Variants in DPP10 observed in about 807,000 individuals in gnomAD.
DPP10 encodes inactive dipeptidyl peptidase 10.
A neutral mutation model predicts 120.9 loss-of-function variants in DPP10; 33 were observed. That is an observed-to-expected ratio of 0.27 (90% CI 0.21 to 0.37). The LOEUF is 0.37. Among genes scored for constraint, DPP10 ranks in the 10% least tolerant of loss-of-function variants. The pLI is 1.00. For synonymous variants in DPP10, 337 were observed against 326.1 expected (o/e 1.03, Z -0.36); for missense variants, 816 against 942.8 (o/e 0.87, Z 1.76).
At chr2:114,608,749 G>A (rs1467158539) in intron 1 of DPP10, among the ~76,000 whole-genome samples, 1 of 151,748 alleles carries the variant, frequency 6.6e-6, no homozygotes, top group Non-Finnish European at 1.5e-5. Context: ...TGATATGAAT[G>A]CAGTTGGCGG....
intron 1 of DPP10, among the ~76,000 whole-genome samples, chr2:114,937,285 C>A (rs1009031285): frequency 6.6e-6 from 1 of 152,088 alleles, no homozygotes; most frequent in Non-Finnish European, 1.5e-5. Context: ...GATGAGGATC[C>A]AGTTTCGTTC....
Position 115,411,329 on chromosome 2 carries a change from C to T in DPP10, c.271+67417C>T, listed in dbSNP as rs186986933. Among the ~76,000 whole-genome samples the T allele has an allele frequency of 3.7e-3, 561 of 151,144 alleles. 3 individuals carry two copies. The highest frequency in any genetic ancestry group is 0.013 in the African/African-American group (549 of 41,198). ...TCTGGGCAACAGAGTGAGACTCCGT[C>T]TCAAAAAAAAAGGAGAGAAAAAAAA... On this transcript the variant is annotated intron_variant, in intron 3 of 25. Coordinates refer to ENST00000410059, the MANE Select transcript of DPP10 (RefSeq NM_020868.6).
chr2:115,115,121 G>T (rs1243255285), intron 1 of DPP10, among the ~76,000 whole-genome samples: 1 of 151,984 alleles, frequency 6.6e-6, no homozygotes, highest in Non-Finnish European at 1.5e-5. Flanking sequence ...GCACATCGGA[G>T]ACCTACGGGG....
At position 114,688,816 on chromosome 2, in the gene DPP10, G is replaced by A. The variant is rs116716520; in HGVS notation, c.60+245978G>A. Among the ~76,000 whole-genome samples, 943 of 151,968 alleles carry A rather than the reference G, an allele frequency of 6.2e-3. 17 individuals carry two copies. Among genetic ancestry groups the A allele is most frequent in the African/African-American group, 0.022 (900 of 41,494 alleles). ...CATGTGTGGGATGAGTTTAATCAAGGATGCTACATGAATCATTACCATCGT... is the reference window on the plus strand; with the variant it reads ...CATGTGTGGGATGAGTTTAATCAAGAATGCTACATGAATCATTACCATCGT... On this transcript the variant is annotated intron_variant, in intron 1 of 25. Transcript: ENST00000410059.
chr2:114,876,318 C>A lies in DPP10; in HGVS notation c.61-432921C>A, dbSNP rs574867909. ...AGCAGAGCAGATGGGGAATAAAGTT[C>A]TTTGTTCTATTCGGTGGACTTCCAT... On this transcript the variant is annotated intron_variant, in intron 1 of 25. Coordinates refer to ENST00000410059, the MANE Select transcript of DPP10 (RefSeq NM_020868.6). Among the ~76,000 whole-genome samples, 6 of 152,148 alleles carry A rather than the reference C, an allele frequency of 3.9e-5. No homozygotes were observed. In the South Asian group the frequency reaches 1.2e-3, roughly 32 times the overall value.
chr2:115,117,490 C>T (rs2049579746), intron 1 of DPP10, among the ~76,000 whole-genome samples: 3 of 152,064 alleles, frequency 2.0e-5, no homozygotes, highest in Admixed American at 2.0e-4. Context: ...CACCTATAAC[C>T]CCAGCCACTC....
chr2:115,760,014 A>T (rs1015888596), intron 11 of DPP10, among the ~76,000 whole-genome samples: 6 of 152,146 alleles, frequency 3.9e-5, no homozygotes, highest in African/African-American at 1.4e-4. Flanking sequence ...CGTCACAAAA[A>T]AAAAATACAA....
intron 1 of DPP10, among the ~76,000 whole-genome samples, chr2:114,663,246 A>G (rs577296313): frequency 2.5e-4 from 35 of 141,154 alleles, no homozygotes; most frequent in East Asian, 1.6e-3. Context: ...TTGTGTGTGT[A>G]TATATATATA....
In DPP10 at chr2:115,309,284, G is replaced by A; in HGVS notation, c.106G>A (p.Ala36Thr). Reference protein sequence around the residue: ...SPPQRNWKGIAIALLVILVVC... With the variant: ...SPPQRNWKGITIALLVILVVC... ...TCCACAGAGAAACTGGAAGGGAATT[G>A]CTATTGCTCTGCTGGTGATTTTAGT... is the stretch of plus-strand genomic sequence containing the variant. Residue 36 changes from alanine (A) to threonine (T), a missense_variant, in exon 2 of 26, where the codon GCT (alanine) becomes ACT (threonine). By Grantham distance (58) the Ala-to-Thr change is moderately conservative. This residue lies in a region of DPP10 where 182 missense variants were observed against 207.4 expected (regional missense o/e 0.88). Transcript: ENST00000410059. 1.9e-6 allele frequency: 3 copies of A among 1,613,450 alleles called. No individual in the cohort carries two copies. The highest frequency in any genetic ancestry group is 2.5e-6 in the Non-Finnish European group (3 of 1,179,620).
intron 1 of DPP10, among the ~76,000 whole-genome samples, chr2:114,484,703 T>A (rs1339544603): frequency 6.6e-6 from 1 of 152,110 alleles, no homozygotes; most frequent in African/African-American, 2.4e-5. Flanking sequence ...TCAACAGGAA[T>A]CTCGAACAAT....
chr2:115,162,993 G>C (rs1462855557), intron 1 of DPP10, among the ~76,000 whole-genome samples: 3 of 151,992 alleles, frequency 2.0e-5, no homozygotes, highest in African/African-American at 4.8e-5. Flanking sequence ...TAGGAACTCC[G>C]GGCAGAGAGA....
intron 3 of DPP10, among the ~76,000 whole-genome samples, chr2:115,379,545 T>C (rs930223041): frequency 6.6e-5 from 10 of 152,136 alleles, no homozygotes; most frequent in African/African-American, 2.2e-4. Context: ...TTTGTGTCTC[T>C]ATTTCCTTCA....
intron 1 of DPP10, among the ~76,000 whole-genome samples, chr2:115,139,194 A>C (rs1193416838): frequency 1.3e-5 from 2 of 152,150 alleles, no homozygotes; most frequent in Non-Finnish European, 2.9e-5. Context: ...GCAAAATAAT[A>C]ATCTTATTTT....
intron 5 of DPP10, among the ~76,000 whole-genome samples, chr2:115,613,927 G>T (rs978712087): frequency 6.6e-6 from 1 of 152,166 alleles, no homozygotes; most frequent in Non-Finnish European, 1.5e-5. Context: ...TTAACTGAGA[G>T]TGACTCCCAT....
chr2:115,437,330 A>G (rs1299949762), intron 3 of DPP10, among the ~76,000 whole-genome samples: 2 of 152,060 alleles, frequency 1.3e-5, no homozygotes, highest in African/African-American at 4.8e-5. Context: ...TCAGCATTAG[A>G]GAAGAAATAT....
At chr2:115,775,381 G>A (rs1189995634) in intron 13 of DPP10, among the ~76,000 whole-genome samples, 3 of 151,340 alleles carry the variant, frequency 2.0e-5, no homozygotes, top group South Asian at 2.1e-4. Context: ...TATAAATAAT[G>A]GAAAGGGACA....
At chr2:115,265,971 T>C (rs934817363) in intron 1 of DPP10, among the ~76,000 whole-genome samples, 1 of 150,012 alleles carries the variant, frequency 6.7e-6, no homozygotes, top group South Asian at 2.1e-4. Flanking sequence ...ATTTAGAAAA[T>C]GAAGAAGCTT....
chr2:115,673,499 C>G (rs972224520), intron 5 of DPP10, among the ~76,000 whole-genome samples: 1 of 152,116 alleles, frequency 6.6e-6, no homozygotes, highest in African/African-American at 2.4e-5. Flanking sequence ...GATAATTGAC[C>G]TAGATAATCC....
At chr2:115,574,502 C>G (rs903316907) in intron 5 of DPP10, among the ~76,000 whole-genome samples, 3 of 152,178 alleles carry the variant, frequency 2.0e-5, no homozygotes, top group Non-Finnish European at 2.9e-5. Context: ...GTGCACCTCC[C>G]TCTTGTTCTT....
Sources: gnomAD v4.1 joint callset for allele counts (sites outside exome capture counted in the v4.1 genomes callset) on GRCh38, gnomAD v4.1.1 for gene constraint, gnomAD v4.1.1 regional missense constraint, MANE v1.5 for transcripts, NCBI Gene and HGNC (gene_info 2026-07-23, HGNC 2026-07-21) for gene names.